The following LARGE1 variants were observed in gnomAD, a reference collection of about 807,000 sequenced individuals.
LARGE1 encodes xylosyl- and glucuronyltransferase LARGE1.
LARGE1 carries 43 observed loss-of-function variants against 87.6 expected under a neutral mutation model. That is an observed-to-expected ratio of 0.49 (90% CI 0.38 to 0.63). The LOEUF is 0.63. Ranked by LOEUF, LARGE1 falls within the 30% of genes least tolerant of loss-of-function variation. The pLI is 0.00. For missense variants in LARGE1, 802 were observed against 1,000.2 expected, an observed-to-expected ratio of 0.80 and a Z score of 2.67; for synonymous variants, 434 against 394.6, an observed-to-expected ratio of 1.10 and a Z score of -1.18.
chr22:33,734,829 G>A (rs1020692600), intron 2 of LARGE1, among the ~76,000 whole-genome samples: 10 of 152,068 alleles, frequency 6.6e-5, no homozygotes, highest in Non-Finnish European at 4.4e-5. Flanking sequence ...GGGGTTCAGA[G>A]ACATAGGCAA....
intron 6 of LARGE1, among the ~76,000 whole-genome samples, chr22:33,507,529 GT>G (rs2070823432): frequency 6.6e-6 from 1 of 152,134 alleles, no homozygotes; most frequent in Non-Finnish European, 1.5e-5. Flanking sequence ...AAGGAGACTG[GT>G]GGCTACCAGA....
intron 6 of LARGE1, among the ~76,000 whole-genome samples, chr22:33,457,973 T>A (rs1186630879): frequency 6.6e-6 from 1 of 152,230 alleles, no homozygotes; most frequent in Non-Finnish European, 1.5e-5. Context: ...GAGCTTTGGT[T>A]TGCTCTTGTC....
At chr22:33,327,791 C>A (rs115549399) in intron 10 of LARGE1, among the ~76,000 whole-genome samples, 3 of 152,184 alleles carry the variant, frequency 2.0e-5, no homozygotes, top group African/African-American at 4.8e-5. Context: ...GATCTTCCTG[C>A]CTCAGCCTCT....
At chr22:33,811,864 A>G (rs2086506570) in intron 1 of LARGE1, among the ~76,000 whole-genome samples, 1 of 152,238 alleles carries the variant, frequency 6.6e-6, no homozygotes, top group African/African-American at 2.4e-5. Flanking sequence ...GAAATACTTC[A>G]GGCCAGGGAT....
At chr22:33,555,853 C>G (rs1002469262) in intron 6 of LARGE1, among the ~76,000 whole-genome samples, 1 of 150,904 alleles carries the variant, frequency 6.6e-6, no homozygotes, top group African/African-American at 2.4e-5. Flanking sequence ...CTGCCTGAGC[C>G]CGGGAGGTGG....
intron 2 of LARGE1, among the ~76,000 whole-genome samples, chr22:33,753,534 T>C (rs1430694856): frequency 1.3e-5 from 2 of 152,068 alleles, no homozygotes; most frequent in Non-Finnish European, 2.9e-5. Flanking sequence ...AGATAATAAA[T>C]GTATGGTTTT....
intron 3 of LARGE1, 104 bp downstream of exon 3, chr22:33,650,263 T>G (rs2080751767): frequency 1.4e-6 from 2 of 1,397,158 alleles, no homozygotes; most frequent in Non-Finnish European, 2.0e-6. Context: ...GAATCAAGAA[T>G]GCCAGCTCTT....
At chr22:33,173,218 GGAAA>G (rs1346104775) in intron 11 of LARGE1, among the ~76,000 whole-genome samples, 1 of 152,092 alleles carries the variant, frequency 6.6e-6, no homozygotes, top group African/African-American at 2.4e-5. Flanking sequence ...CATTCTTAAA[GGAAA>G]GAATTTTCAA....
chr22:33,297,532 G>C (rs1189606419), intron 12 of LARGE1, among the ~76,000 whole-genome samples: 1 of 150,690 alleles, frequency 6.6e-6, no homozygotes, highest in East Asian at 2.0e-4. Flanking sequence ...ACAATTGCTT[G>C]AACCTGAGGG....
At chr22:33,493,154 C>CTTTTTTT (rs750203810) in intron 6 of LARGE1, among the ~76,000 whole-genome samples, 5 of 109,174 alleles carry the variant, frequency 4.6e-5, no homozygotes, top group African/African-American at 3.7e-5. Context: ...GCATGGTGGC[C>CTTTTTTT]TTTTTTTTTT....
intron 7 of LARGE1, among the ~76,000 whole-genome samples, chr22:33,408,789 T>G (rs753866156): frequency 7.3e-5 from 11 of 151,660 alleles, no homozygotes; most frequent in Admixed American, 2.0e-4. Flanking sequence ...CAACTCCTGT[T>G]GTTAATAATT....
chr22:33,559,233 G>C (rs773023654), intron 6 of LARGE1, among the ~76,000 whole-genome samples: 8 of 152,200 alleles, frequency 5.3e-5, no homozygotes, highest in Non-Finnish European at 8.8e-5. Flanking sequence ...CCAGGCTGGA[G>C]TGCAATGGTG....
chr22:33,478,575 C>T (rs1304690086), intron 6 of LARGE1, among the ~76,000 whole-genome samples: 2 of 152,236 alleles, frequency 1.3e-5, no homozygotes, highest in African/African-American at 4.8e-5. Context: ...TGTTTGGGAA[C>T]TCAGTTTTGC....
intron 7 of LARGE1, among the ~76,000 whole-genome samples, chr22:33,401,415 C>T (rs1048546071): frequency 7.4e-4 from 113 of 152,186 alleles, no homozygotes; most frequent in African/African-American, 2.6e-3. Context: ...GAGACATCCT[C>T]GTGTGCTGTG....
intron 2 of LARGE1, among the ~76,000 whole-genome samples, chr22:33,757,931 C>T (rs2084581248): frequency 6.6e-6 from 1 of 152,206 alleles, no homozygotes; most frequent in African/African-American, 2.4e-5. Flanking sequence ...CAGACTTTCC[C>T]AGAGCCTCAG....
chr22:33,153,995 G>A, the LARGE1 span, among the ~76,000 whole-genome samples: 1 of 152,020 alleles, frequency 6.6e-6, no homozygotes, highest in Non-Finnish European at 1.5e-5. Context: ...ACCAATGTGG[G>A]GTTCACTTCT....
chr22:33,904,401 G>A (rs144803695), intron 1 of LARGE1, among the ~76,000 whole-genome samples: 7,379 of 152,198 alleles, frequency 0.048, 190 homozygotes, highest in Middle Eastern at 0.078. Context: ...TGGTCCCCCC[G>A]CCTCGGCCTC....
At chr22:33,689,038 G>A (rs371395123) in intron 2 of LARGE1, among the ~76,000 whole-genome samples, 1 of 151,984 alleles carries the variant, frequency 6.6e-6, no homozygotes, top group Non-Finnish European at 1.5e-5. Flanking sequence ...CTGGTTTAGC[G>A]CTTCAGGCCA....
intron 1 of LARGE1, among the ~76,000 whole-genome samples, chr22:33,786,138 T>C (rs1216874380): frequency 6.6e-6 from 1 of 152,202 alleles, no homozygotes; most frequent in Non-Finnish European, 1.5e-5. Flanking sequence ...CTTTTGGGCA[T>C]AAGTAGGGCA....
Sources: allele counts gnomAD v4.1 joint callset (sites outside exome capture counted in the v4.1 genomes callset), GRCh38; gene constraint gnomAD v4.1.1; transcripts MANE v1.5; gene names NCBI Gene and HGNC (gene_info 2026-07-23, HGNC 2026-07-21).